Variants in ZDHHC19 observed in about 807,000 individuals in gnomAD.
ZDHHC19 encodes zDHHC palmitoyltransferase 19, also known as palmitoyltransferase ZDHHC19.
In ZDHHC19, 30 loss-of-function variants were observed where a neutral mutation model predicts 33.9. The ratio of observed to expected loss-of-function variants is 0.88; its 90% CI spans 0.66 to 1.20. The LOEUF (loss-of-function observed/expected upper bound fraction) is 1.20. Ranked by LOEUF, ZDHHC19 falls within the 50% of genes most tolerant of loss-of-function variation. ZDHHC19 has a pLI of 0.00. For synonymous variants in ZDHHC19, 178 were observed against 167.6 expected (o/e 1.06, Z -0.48); for missense variants, 364 against 401.1 (o/e 0.91, Z 0.79).
rs189343878 is a variant in ZDHHC19 at position 196,210,787 on chromosome 3, C to T, written c.147-50G>A. 9.5e-5 allele frequency: 152 copies of T among 1,596,498 alleles called. 1 individual carries two copies. The highest frequency in any genetic ancestry group is 6.6e-4 in the African/African-American group (49 of 74,736). ...CTGAGCAGGGGCAGCCCAAAGCCCCCGGCCCAAGGCCTGTGGCTTGCTCAG... is the reference window on the plus strand; with the variant it reads ...CTGAGCAGGGGCAGCCCAAAGCCCCTGGCCCAAGGCCTGTGGCTTGCTCAG... On this transcript the variant is annotated intron_variant, in intron 1 of 7. Coordinates refer to ENST00000296326, the MANE Select transcript of ZDHHC19 (RefSeq NM_001039617.2).
chr3:196,200,905 C>A (rs540256597), intron 5 of ZDHHC19, among the ~76,000 whole-genome samples: 19 of 151,728 alleles, frequency 1.3e-4, no homozygotes, highest in Admixed American at 3.9e-4. Context: ...CCACCTCAGC[C>A]TTTCAAAGGG....
intron 5 of ZDHHC19, among the ~76,000 whole-genome samples, chr3:196,200,474 C>T (rs557740003): frequency 6.7e-6 from 1 of 148,574 alleles, no homozygotes; most frequent in Non-Finnish European, 1.5e-5. Context: ...CCTGCCTCAG[C>T]CTCCCAAGTA....
chr3:196,210,609 G>T lies in ZDHHC19; in HGVS notation c.268+7C>A, dbSNP rs1218910935. On this transcript the variant is annotated splice_region_variant and intron_variant, in intron 2 of 7. Transcript: ENST00000296326. ...CACCTCCTTTTCCCAGGGGGCTGAT[G>T]CCTCACCTTGATGTAAGATGCCAGG... 1 of 1,613,974 alleles carries T rather than the reference G, an allele frequency of 6.2e-7. No individual in the cohort carries two copies. Among genetic ancestry groups the T allele is most frequent in the South Asian group, 1.1e-5 (1 of 91,064 alleles).
intron 5 of ZDHHC19, among the ~76,000 whole-genome samples, chr3:196,201,838 A>G (rs969781706): frequency 7.9e-5 from 12 of 152,150 alleles, no homozygotes; most frequent in African/African-American, 2.4e-4. Flanking sequence ...CTGACACTCC[A>G]CGGGACCAAA....
chr3:196,205,860 A>C (rs1258702505), intron 5 of ZDHHC19, among the ~76,000 whole-genome samples: 1 of 151,712 alleles, frequency 6.6e-6, no homozygotes, highest in Non-Finnish European at 1.5e-5. Flanking sequence ...GGGTTTCGCC[A>C]TGTTGGCCAG....
At chr3:196,209,129 C>A (rs1723012535) in intron 3 of ZDHHC19, 3 of 501,808 alleles carry the variant, frequency 6.0e-6, no homozygotes, top group Non-Finnish European at 1.0e-5. Context: ...CCTGGCCTGA[C>A]CCAGCCCAGG....
At chr3:196,209,583 C>CGCGGGGG in intron 2 of ZDHHC19, 68 bp from the exon 3 acceptor site, 1 of 1,554,914 alleles carries the variant, frequency 6.4e-7, no homozygotes, top group South Asian at 1.2e-5. Context: ...GGCAGCTCCA[C>CGCGGGGG]GGCATCACAG....
At chr3:196,204,715 T>C (rs2108729127) in intron 5 of ZDHHC19, among the ~76,000 whole-genome samples, 1 of 152,300 alleles carries the variant, frequency 6.6e-6, no homozygotes, top group Middle Eastern at 3.4e-3. Flanking sequence ...CATCAAACGT[T>C]CGTAAGGATG....
In ZDHHC19 at chr3:196,210,716, G is replaced by A. The variant is rs769365387; in HGVS notation, c.168C>T (p.Asn56=). 14 of 1,613,620 alleles carry A rather than the reference G, an allele frequency of 8.7e-6. No individual in the cohort carries two copies. The highest frequency in any genetic ancestry group is 2.2e-5 in the South Asian group (2 of 90,984). The change falls in exon 2 of 8, where the codon AAC becomes AAT. Residue 56 remains asparagine, a synonymous_variant. Coordinates refer to ENST00000296326, the MANE Select transcript of ZDHHC19 (RefSeq NM_001039617.2). ...TGATAACAGGAAAGGCCCACTCCCCGTTCTGAGCCAGCCACCTGCAACTGA... is the reference window on the plus strand; with the variant it reads ...TGATAACAGGAAAGGCCCACTCCCCATTCTGAGCCAGCCACCTGCAACTGA... The part of the protein sequence containing the change: ...FAFPCRWLAQ[N]GEWAFPVITG...
chr3:196,198,364 A>G lies in ZDHHC19; in HGVS notation c.861T>C (p.Ser287=), dbSNP rs1308864072. 3.3e-6 allele frequency: 5 copies of G among 1,527,580 alleles called. No homozygotes were observed. Among genetic ancestry groups the G allele is most frequent in the Non-Finnish European group, 4.4e-6 (5 of 1,137,440 alleles). 94.6% of individuals were successfully genotyped at this position (1,527,580 alleles called of 1,614,324 possible). The part of the protein sequence containing the change: ...MPNLHPPMSP[S]ALNPPAPTSG... Reference sequence around the variant, plus strand: ...AGGTTGGGGCTGGGGGGTTGAGAGCAGAGGGGGACATTGGAGGGTGCAGAT... The same window carrying G: ...AGGTTGGGGCTGGGGGGTTGAGAGCGGAGGGGGACATTGGAGGGTGCAGAT... The change falls in exon 7 of 8, where the codon TCT becomes TCC. Residue 287 remains serine, a synonymous_variant. Coordinates refer to ENST00000296326, the MANE Select transcript of ZDHHC19 (RefSeq NM_001039617.2).
At chr3:196,207,916 AC>A (rs1171113165) in intron 4 of ZDHHC19, among the ~76,000 whole-genome samples, 2 of 131,580 alleles carry the variant, frequency 1.5e-5, no homozygotes, top group Non-Finnish European at 3.2e-5. Flanking sequence ...CCGCTCCGTG[AC>A]CCCGCCAGAT....
At chr3:196,204,697 A>T (rs1188563540) in intron 5 of ZDHHC19, among the ~76,000 whole-genome samples, 1 of 152,248 alleles carries the variant, frequency 6.6e-6, no homozygotes, top group Non-Finnish European at 1.5e-5. Flanking sequence ...ACAAAAAACA[A>T]CTGACAACAT....
intron 5 of ZDHHC19, 184 bp from the exon 6 acceptor site, chr3:196,199,058 T>C: frequency 1.7e-6 from 1 of 579,540 alleles, no homozygotes. Flanking sequence ...TGGTCTCCAC[T>C]GGCCACACAC....
chr3:196,209,153 C>A (rs538102540), intron 3 of ZDHHC19: 10 of 601,462 alleles, frequency 1.7e-5, no homozygotes, highest in Middle Eastern at 4.6e-4. Flanking sequence ...GATGCGGATG[C>A]CCTGTGCATG....
intron 6 of ZDHHC19, 105 bp downstream of exon 6, chr3:196,198,684 G>T: frequency 6.3e-7 from 1 of 1,597,748 alleles, no homozygotes; most frequent in African/African-American, 1.3e-5. Flanking sequence ...AGAGGAGCAG[G>T]AACAGTGAGT....
intron 6 of ZDHHC19, 161 bp from the exon 7 acceptor site, chr3:196,198,612 G>A: frequency 6.5e-7 from 1 of 1,547,686 alleles, no homozygotes; most frequent in Non-Finnish European, 8.7e-7. Context: ...AGTGGGGCAG[G>A]AACACACAGA....
intron 5 of ZDHHC19, among the ~76,000 whole-genome samples, chr3:196,200,454 A>C (rs1439043594): frequency 6.7e-6 from 1 of 148,240 alleles, no homozygotes; most frequent in Non-Finnish European, 1.5e-5. Flanking sequence ...TCCCAGGTTC[A>C]CGCCATTCTC....
chr3:196,199,606 A>G (rs1722078201), intron 5 of ZDHHC19: 1 of 154,832 alleles, frequency 6.5e-6, no homozygotes, highest in Non-Finnish European at 1.5e-5. Flanking sequence ...GCATCCTTGC[A>G]CTATTTGAGA....
At chr3:196,210,536 G>A in intron 2 of ZDHHC19, 80 bp downstream of exon 2, 1 of 1,595,018 alleles carries the variant, frequency 6.3e-7, no homozygotes, top group South Asian at 1.1e-5. Context: ...GGGTCAGTAG[G>A]AAGAGCACTT....
Sources: gnomAD v4.1 joint callset for allele counts (sites outside exome capture counted in the v4.1 genomes callset) on GRCh38, gnomAD v4.1.1 for gene constraint, MANE v1.5 for transcripts, NCBI Gene and HGNC (gene_info 2026-07-23, HGNC 2026-07-21) for gene names.